CORO2B: variants seen among roughly 807,000 people sequenced by gnomAD.
CORO2B encodes coronin 2B.
CORO2B carries 26 observed loss-of-function variants against 58.8 expected under a neutral mutation model. The observed-to-expected ratio is 0.44, with a 90% confidence interval of 0.32 to 0.61. The LOEUF (loss-of-function observed/expected upper bound fraction) is 0.61, where lower values mean the gene tolerates loss of function less well. Among genes scored for constraint, CORO2B ranks in the 20% least tolerant of loss-of-function variants. The pLI is 0.04. For synonymous variants in CORO2B, 242 were observed against 253.8 expected (o/e 0.95, Z 0.44); for missense variants, 460 against 645.1 (o/e 0.71, Z 3.11).
chr15:68,522,803 C>T, the CORO2B span, among the ~76,000 whole-genome samples: 4 of 152,140 alleles, frequency 2.6e-5, no homozygotes, highest in Non-Finnish European at 5.9e-5. Flanking sequence ...TGTCCAATAA[C>T]CCTAATATGT....
intron 1 of CORO2B, among the ~76,000 whole-genome samples, chr15:68,592,660 C>T (rs1899735543): frequency 6.6e-6 from 1 of 152,176 alleles, no homozygotes; most frequent in Non-Finnish European, 1.5e-5. Context: ...TATATTCATT[C>T]ACTCTATAAA....
At position 68,603,213 on chromosome 15, in the gene CORO2B, C is replaced by T. The variant is rs751696221; in HGVS notation, c.15+23936C>T. Among the ~76,000 whole-genome samples the T allele has an allele frequency of 2.6e-5, 4 of 152,124 alleles. No individual in the cohort carries two copies. The East Asian group carries it at 5.8e-4, about 22-fold the overall frequency. Reference sequence around the variant, plus strand: ...TGGAAGTCCCAGGGCTAACACAGTACGTGGTCGCAGTAGGTGCTTACTAAA... The same window carrying T: ...TGGAAGTCCCAGGGCTAACACAGTATGTGGTCGCAGTAGGTGCTTACTAAA... On this transcript the variant is annotated intron_variant, in intron 1 of 11. Transcript: ENST00000261861.
chr15:68,680,523 C>T (rs1434807934), intron 2 of CORO2B, among the ~76,000 whole-genome samples: 1 of 152,196 alleles, frequency 6.6e-6, no homozygotes, highest in Non-Finnish European at 1.5e-5. Flanking sequence ...GTGTACAGTC[C>T]ATGCAACTGT....
chr15:68,521,626 T>C, the CORO2B span, among the ~76,000 whole-genome samples: 20,175 of 152,244 alleles, frequency 0.13, 1,594 homozygotes, highest in African/African-American at 0.21. Context: ...ACACTGGCTA[T>C]AGAATCCTAG....
intron 11 of CORO2B, among the ~76,000 whole-genome samples, chr15:68,723,629 T>C (rs1468546302): frequency 6.6e-6 from 1 of 151,758 alleles, no homozygotes; most frequent in Non-Finnish European, 1.5e-5. Context: ...AATTTTTATA[T>C]TTTTAGTAGA....
the CORO2B span, among the ~76,000 whole-genome samples, chr15:68,573,513 A>G: frequency 2.6e-5 from 4 of 152,220 alleles, no homozygotes; most frequent in South Asian, 8.3e-4. Context: ...GGTAGAGGGC[A>G]GGAAGGGGAA....
chr15:68,709,056 T>C (rs1044106342), intron 3 of CORO2B, among the ~76,000 whole-genome samples: 1 of 152,250 alleles, frequency 6.6e-6, no homozygotes, highest in Non-Finnish European at 1.5e-5. Context: ...TATTACATAT[T>C]GATATAATGT....
chr15:68,655,629 C>T (rs1048925471), intron 2 of CORO2B, among the ~76,000 whole-genome samples: 3 of 152,240 alleles, frequency 2.0e-5, no homozygotes, highest in South Asian at 2.1e-4. Context: ...CCTAAGGTGT[C>T]GATGATAACA....
chr15:68,708,073 G>A (rs111377072), intron 3 of CORO2B, among the ~76,000 whole-genome samples: 40 of 152,230 alleles, frequency 2.6e-4, no homozygotes, highest in African/African-American at 9.1e-4. Context: ...AAAGTTTTTC[G>A]CAAGTGGGCT....
Position 68,579,229 on chromosome 15 carries a change from C to T in CORO2B, c.-34C>T. On this transcript the variant is annotated 5_prime_UTR_variant, in exon 1 of 12. Transcript: ENST00000261861. ...CCGCCGCCGCCGCCCCCGCACGCCGCGCCCGCGCCCCCGCTCCGCCGCGGA... is the reference window on the plus strand; with the variant it reads ...CCGCCGCCGCCGCCCCCGCACGCCGTGCCCGCGCCCCCGCTCCGCCGCGGA... The T allele has an allele frequency of 3.6e-6, 4 of 1,108,294 alleles. No homozygotes were observed. The highest frequency in any genetic ancestry group is 3.3e-6 in the Non-Finnish European group (3 of 911,222). The allele number at this position is 1,108,294 out of a possible 1,614,324, so 68.7% of individuals were successfully genotyped here.
At chr15:68,623,815 G>T (rs771183749) in intron 1 of CORO2B, among the ~76,000 whole-genome samples, 3 of 152,160 alleles carry the variant, frequency 2.0e-5, no homozygotes, top group Non-Finnish European at 1.5e-5. Context: ...GTTGGAGGCG[G>T]GTGTGTTTGA....
chr15:68,604,839 G>T (rs1445215013), intron 1 of CORO2B, among the ~76,000 whole-genome samples: 1 of 152,158 alleles, frequency 6.6e-6, no homozygotes, highest in East Asian at 1.9e-4. Flanking sequence ...TTTGAGGCTG[G>T]GCATGGTGGC....
intron 1 of CORO2B, among the ~76,000 whole-genome samples, chr15:68,613,647 C>T (rs896643803): frequency 6.6e-6 from 1 of 152,184 alleles, no homozygotes; most frequent in African/African-American, 2.4e-5. Flanking sequence ...AGATATCCTC[C>T]TGAATTAAAC....
Position 68,726,102 on chromosome 15 carries a change from C to A in CORO2B, c.*128C>A. 1 of 1,256,888 alleles carries A rather than the reference C, an allele frequency of 8.0e-7. No homozygotes were observed. The highest frequency in any genetic ancestry group is 1.5e-5 in the African/African-American group (1 of 65,636). 77.9% of individuals were successfully genotyped at this position (1,256,888 alleles called of 1,614,324 possible). On this transcript the variant is annotated 3_prime_UTR_variant, in exon 12 of 12. Transcript: ENST00000261861. The stretch of plus-strand genomic sequence containing the variant: ...TGGGGGCCAGCCTGAGGACCCCCGC[C>A]TACCACCTCGAGAACTGGAAGCCAA...
At chr15:68,715,099 T>C in intron 7 of CORO2B, 116 bp from the exon 8 acceptor site, 1 of 939,590 alleles carries the variant, frequency 1.1e-6, no homozygotes, top group South Asian at 1.4e-5. Flanking sequence ...TTCCTTGGTT[T>C]TTTTAACTGC....
chr15:68,706,637 T>C (rs1468253775), intron 3 of CORO2B, among the ~76,000 whole-genome samples: 4 of 152,228 alleles, frequency 2.6e-5, no homozygotes, highest in Non-Finnish European at 5.9e-5. Context: ...CCTTTGAGTC[T>C]GAAAGCTTTA....
intron 1 of CORO2B, among the ~76,000 whole-genome samples, chr15:68,644,264 A>G (rs2140272050): frequency 6.6e-6 from 1 of 152,334 alleles, no homozygotes; most frequent in East Asian, 1.9e-4. Flanking sequence ...GTGCTTTGTC[A>G]TCACATGAGA....
intron 1 of CORO2B, among the ~76,000 whole-genome samples, chr15:68,594,769 T>A (rs1199044549): frequency 6.6e-6 from 1 of 152,108 alleles, no homozygotes; most frequent in Admixed American, 6.6e-5. Flanking sequence ...GGAAGTGGGG[T>A]GGGATTCCTG....
At chr15:68,591,785 A>G (rs188657083) in intron 1 of CORO2B, among the ~76,000 whole-genome samples, 4 of 152,292 alleles carry the variant, frequency 2.6e-5, no homozygotes, top group Admixed American at 2.6e-4. Context: ...GGGCTGCCAG[A>G]TGGTTCGATC....
Sources: gnomAD v4.1 joint callset for allele counts (sites outside exome capture counted in the v4.1 genomes callset) on GRCh38, gnomAD v4.1.1 for gene constraint, MANE v1.5 for transcripts, NCBI Gene and HGNC (gene_info 2026-07-23, HGNC 2026-07-21) for gene names.